PALLD: variants seen among roughly 807,000 people sequenced by gnomAD.
PALLD encodes the protein palladin.
PALLD carries 61 observed loss-of-function variants against 123.5 expected under a neutral mutation model. The ratio of observed to expected loss-of-function variants is 0.49; its 90% confidence interval spans 0.40 to 0.61. The LOEUF (loss-of-function observed/expected upper bound fraction) is 0.61, where lower values mean the gene tolerates loss of function less well. PALLD is among the 20% of genes least tolerant of loss of function. The pLI, the probability that PALLD is intolerant of heterozygous loss-of-function variation, is 0.00. For missense variants in PALLD, 1,273 were observed against 1,377.0 expected, an observed-to-expected ratio of 0.92 and a Z score of 1.20; for synonymous variants, 465 against 496.4, an observed-to-expected ratio of 0.94 and a Z score of 0.84.
At chr4:168,780,755 TCGGCTCACTG>T (rs1239588804) in intron 10 of PALLD, among the ~76,000 whole-genome samples, 1 of 152,202 alleles carries the variant, frequency 6.6e-6, no homozygotes. Flanking sequence ...TGGCACAATC[TCGGCTCACTG>T]CAGCCTCTGC....
intron 10 of PALLD, among the ~76,000 whole-genome samples, chr4:168,861,904 C>A (rs1047083144): frequency 3.3e-5 from 5 of 152,104 alleles, no homozygotes; most frequent in Admixed American, 2.0e-4. Context: ...GATCCTCCCC[C>A]TTCGGCCTCC....
At chr4:168,912,462 A>C (rs1000969154) in intron 15 of PALLD, among the ~76,000 whole-genome samples, 1 of 152,242 alleles carries the variant, frequency 6.6e-6, no homozygotes, top group Non-Finnish European at 1.5e-5. Flanking sequence ...CAGTGAAAAA[A>C]ACAAATTAAG....
chr4:168,805,090 G>A (rs1009575240), intron 10 of PALLD, among the ~76,000 whole-genome samples: 26 of 151,958 alleles, frequency 1.7e-4, no homozygotes, highest in Non-Finnish European at 2.4e-4. Context: ...CCCGGGAGAC[G>A]GAGGTTGCAG....
chr4:168,768,507 A>G (rs1025873285), intron 10 of PALLD, among the ~76,000 whole-genome samples: 8 of 152,198 alleles, frequency 5.3e-5, no homozygotes, highest in African/African-American at 1.9e-4. Flanking sequence ...GTTTCAGAAA[A>G]GTTTCTTACA....
At chr4:168,497,267 A>C (rs1760843711) in intron 1 of PALLD, 73 bp downstream of exon 1, 1 of 152,162 alleles carries the variant, frequency 6.6e-6, no homozygotes, top group Non-Finnish European at 1.5e-5. Flanking sequence ...AAAAACTAAA[A>C]ATACAAAAGT....
chr4:168,855,239 T>A (rs1748433516), intron 10 of PALLD, among the ~76,000 whole-genome samples: 1 of 152,004 alleles, frequency 6.6e-6, no homozygotes, highest in African/African-American at 2.4e-5. Flanking sequence ...TACAGGCACA[T>A]GCCATCACGC....
chr4:168,744,284 G>T (rs1788646092), intron 10 of PALLD, among the ~76,000 whole-genome samples: 1 of 152,156 alleles, frequency 6.6e-6, no homozygotes, highest in Admixed American at 6.5e-5. Flanking sequence ...TTTGTTCTCT[G>T]CTTCTGTTTG....
At chr4:168,874,971 A>C (rs115180871) in intron 10 of PALLD, among the ~76,000 whole-genome samples, 1 of 152,194 alleles carries the variant, frequency 6.6e-6, no homozygotes, top group Non-Finnish European at 1.5e-5. Flanking sequence ...TTACTTGTGT[A>C]AGACCAAAGA....
intron 2 of PALLD, among the ~76,000 whole-genome samples, chr4:168,627,709 A>C (rs1411263381): frequency 6.6e-6 from 1 of 152,246 alleles, no homozygotes; most frequent in Non-Finnish European, 1.5e-5. Context: ...AAATGAGAAA[A>C]CAATCTGAAA....
chr4:168,874,513 CAGAT>C (rs1751483997), intron 10 of PALLD, among the ~76,000 whole-genome samples: 1 of 152,112 alleles, frequency 6.6e-6, no homozygotes, highest in South Asian at 2.1e-4. Flanking sequence ...AGTTTGAAGT[CAGAT>C]ATTCTTAAAT....
chr4:168,694,364 T>C (rs1345760871), intron 8 of PALLD, among the ~76,000 whole-genome samples: 4 of 152,208 alleles, frequency 2.6e-5, no homozygotes, highest in Non-Finnish European at 5.9e-5. Flanking sequence ...TTAAGCATTC[T>C]GTTTTTATTA....
intron 10 of PALLD, among the ~76,000 whole-genome samples, chr4:168,810,816 AAAAAAAAAAAG>A (rs964732949): frequency 8.3e-6 from 1 of 119,876 alleles, no homozygotes; most frequent in African/African-American, 3.6e-5. Context: ...CTCCGTCTCA[AAAAAAAAAAAG>A]AAAAAAAAAG....
At chr4:168,679,851 G>A (rs1415439786) in intron 3 of PALLD, among the ~76,000 whole-genome samples, 1 of 152,048 alleles carries the variant, frequency 6.6e-6, no homozygotes, top group Non-Finnish European at 1.5e-5. Flanking sequence ...TGAGAAGGAG[G>A]AGATGGGAAG....
At chr4:168,816,389 G>GTATATATATATATATA (rs34216824) in intron 10 of PALLD, among the ~76,000 whole-genome samples, 1 of 139,024 alleles carries the variant, frequency 7.2e-6, no homozygotes. Flanking sequence ...GTGTATGTGT[G>GTATATATATATATATA]TATATATATA....
rs117283794 is a variant in PALLD at position 168,783,422 on chromosome 4, C to A, written c.1964+71499C>A. On this transcript the variant is annotated intron_variant, in intron 10 of 21. Coordinates refer to ENST00000505667, the MANE Select transcript of PALLD (RefSeq NM_001166108.2). ...GGAGGAGGGGTGGATCTAGATGAGT[C>A]CTGAGGGCCAGCGCATATTTCTAAA... Among the ~76,000 whole-genome samples the A allele has an allele frequency of 2.9e-3, 434 of 152,080 alleles. 6 individuals carry two copies. The East Asian group carries it at 0.046, about 16-fold the overall frequency.
chr4:168,663,662 T>C (rs1779340984), intron 2 of PALLD, among the ~76,000 whole-genome samples: 1 of 152,218 alleles, frequency 6.6e-6, no homozygotes, highest in Non-Finnish European at 1.5e-5. Flanking sequence ...GATGCAAAAT[T>C]GAATGCATGC....
chr4:168,648,062 G>A (rs1284202149), intron 2 of PALLD: 2 of 152,156 alleles, frequency 1.3e-5, no homozygotes, highest in East Asian at 3.9e-4. Context: ...AGCTTCTGAA[G>A]GTGATTTGAT....
chr4:168,643,965 C>T (rs916537120), intron 2 of PALLD, among the ~76,000 whole-genome samples: 8 of 152,098 alleles, frequency 5.3e-5, no homozygotes, highest in Non-Finnish European at 1.0e-4. Context: ...GTGCTGACTC[C>T]GGAACTCATG....
intron 2 of PALLD, among the ~76,000 whole-genome samples, chr4:168,580,182 T>C (rs1770093292): frequency 6.6e-6 from 1 of 151,786 alleles, no homozygotes. Context: ...GCCTCATCAA[T>C]GTTGTCACAA....
Sources: allele counts gnomAD v4.1 joint callset (sites outside exome capture counted in the v4.1 genomes callset), GRCh38; gene constraint gnomAD v4.1.1; transcripts MANE v1.5; gene names NCBI Gene and HGNC (gene_info 2026-07-23, HGNC 2026-07-21).